KCNC2: variants seen among roughly 807,000 people sequenced by gnomAD.
The protein encoded by KCNC2 is voltage-gated potassium channel KCNC2.
Under a neutral mutation model 44.5 loss-of-function variants are expected in KCNC2, and 21 were observed. That is an observed-to-expected ratio of 0.47 (90% CI 0.33 to 0.68). KCNC2 has a LOEUF of 0.68. KCNC2 is among the 30% of genes least tolerant of loss of function. The pLI is 0.01. For synonymous variants in KCNC2, 391 were observed against 339.1 expected (o/e 1.15, Z -1.68); for missense variants, 589 against 826.2 (o/e 0.71, Z 3.52).
rs1881080200 is a variant in KCNC2, at chr12:75,050,736, G to A, written c.1269C>T (p.Asn423=). Residue 423 remains asparagine, a synonymous_variant, in exon 3 of 5, where the codon AAC becomes AAT. Coordinates refer to ENST00000549446, the MANE Select transcript of KCNC2 (RefSeq NM_139137.4). ...CAGCCCACCAGAACCCAATGGGAAT[G>A]TTTTTGAACTGTGTGTGCTCACTAG... The part of the protein sequence containing the change: ...PSASEHTQFK[N]IPIGFWWAVV... 6.2e-7 allele frequency: 1 copy of A among 1,613,438 alleles called. No individual in the cohort carries two copies. The highest frequency in any genetic ancestry group is 1.1e-5 in the South Asian group (1 of 91,076).
Position 75,207,811 on chromosome 12 carries a change from G to T in KCNC2, c.173C>A (p.Pro58Gln), listed in dbSNP as rs1010539482. The T allele has an allele frequency of 6.2e-7, 1 of 1,602,660 alleles. No individual in the cohort carries two copies. The highest frequency in any genetic ancestry group is 1.3e-5 in the African/African-American group (1 of 74,076). ...TTAGDKLQPS[P>Q]PPLSPPPRAP... ...TCTCGGCGGCGGCGACAGTGGAGGC[G>T]GCGACGGCTGCAGCTTGTCGCCCGC... The change falls in exon 2 of 5, where the codon CCG (proline) becomes CAG (glutamine). Residue 58 changes from proline (P) to glutamine (Q), a missense_variant. Coordinates refer to ENST00000549446, the MANE Select transcript of KCNC2 (RefSeq NM_139137.4). This position sits in a 1 kb window ranked among gnomAD's most constrained non-coding sequence, Gnocchi z 4.1.
At chr12:75,152,197 CT>C (rs1349923751) in intron 2 of KCNC2, among the ~76,000 whole-genome samples, 1 of 149,682 alleles carries the variant, frequency 6.7e-6, no homozygotes, top group Non-Finnish European at 1.5e-5. Context: ...TGACTCAATC[CT>C]CAGATTGAGG....
intron 2 of KCNC2, among the ~76,000 whole-genome samples, chr12:75,185,247 G>A (rs1010061375): frequency 2.6e-5 from 4 of 152,090 alleles, no homozygotes; most frequent in Non-Finnish European, 5.9e-5. Context: ...AGGCTACTAA[G>A]GTTATGTGAT....
In KCNC2 at chr12:75,050,673, G is replaced by A. The variant is rs1881075031; in HGVS notation, c.1332C>T (p.Tyr444=). 1.2e-6 allele frequency: 2 copies of A among 1,613,450 alleles called. No homozygotes were observed. The highest frequency in any genetic ancestry group is 1.1e-5 in the South Asian group (1 of 91,062). Reference sequence around the variant, plus strand: ...CCAGCATGCCTGACCATGTTTGGGGGTACATATCCCCATAACCCAGGGTAG... The same window carrying A: ...CCAGCATGCCTGACCATGTTTGGGGATACATATCCCCATAACCCAGGGTAG... ...TMTTLGYGDM[Y]PQTWSGMLVG... Residue 444 remains tyrosine (Y), a synonymous_variant, in exon 3 of 5, where the codon TAC becomes TAT. Coordinates refer to ENST00000549446, the MANE Select transcript of KCNC2 (RefSeq NM_139137.4).
At chr12:75,151,192 A>G (rs140869848) in intron 2 of KCNC2, among the ~76,000 whole-genome samples, 186 of 152,078 alleles carry the variant, frequency 1.2e-3, no homozygotes, top group Middle Eastern at 6.8e-3. Flanking sequence ...TATAGGAGAA[A>G]CAAACCCTTT....
intron 4 of KCNC2, chr12:75,043,458 A>G: frequency 7.5e-7 from 1 of 1,327,888 alleles, no homozygotes; most frequent in Non-Finnish European, 9.7e-7. Flanking sequence ...AATTATTGTT[A>G]CAATACTTCA....
chr12:75,124,481 C>A (rs1888261519), intron 2 of KCNC2, among the ~76,000 whole-genome samples: 4 of 152,128 alleles, frequency 2.6e-5, no homozygotes, highest in South Asian at 4.2e-4. Context: ...TGCAGTCATA[C>A]AGAGAAACAA....
chr12:75,042,780 C>T lies in KCNC2; in HGVS notation c.*325G>A, dbSNP rs1217038992. On this transcript the variant is annotated 3_prime_UTR_variant, in exon 5 of 5. Coordinates refer to ENST00000549446, the MANE Select transcript of KCNC2 (RefSeq NM_139137.4). ...ATGAAGTGGTTGGCATTTGGAAGCA[C>T]ACTGTTTTAAATATATCTCCCTGAA... 6.9e-6 allele frequency: 8 copies of T among 1,159,132 alleles called. No homozygotes were observed. Among genetic ancestry groups the T allele is most frequent in the Non-Finnish European group, 8.5e-6 (8 of 940,362 alleles). 71.8% of individuals were successfully genotyped at this position (1,159,132 alleles called of 1,614,324 possible).
intron 2 of KCNC2, among the ~76,000 whole-genome samples, chr12:75,127,794 T>C (rs1484092555): frequency 3.3e-5 from 5 of 152,162 alleles, no homozygotes; most frequent in Non-Finnish European, 7.3e-5. Flanking sequence ...AAGGTCATAA[T>C]GATGAACATC....
intron 2 of KCNC2, among the ~76,000 whole-genome samples, chr12:75,093,891 A>T (rs1885702500): frequency 6.6e-6 from 1 of 151,764 alleles, no homozygotes; most frequent in African/African-American, 2.4e-5. Context: ...TACAGAGCTG[A>T]ATTTAATACA....
At position 75,207,427 on chromosome 12, in the gene KCNC2, G is replaced by A. The variant is rs755326940; in HGVS notation, c.557C>T (p.Ala186Val). The change falls in exon 2 of 5, where the codon GCG becomes GTG. Residue 186 changes from alanine to valine, a missense_variant. Physicochemically the swap from Ala to Val is moderately conservative, Grantham distance 64. Coordinates refer to ENST00000549446, the MANE Select transcript of KCNC2 (RefSeq NM_139137.4). The surrounding 1 kb of genome is among the most constrained non-coding windows in gnomAD (Gnocchi z 4.1). The stretch of plus-strand genomic sequence containing the variant: ...GTCCTCGATGCCCAGCCTCTTGGCC[G>A]CCAGGTCCTCGTCGTCGCCGGGGTC... ...GGDPGDDEDL[A>V]AKRLGIEDAA... The A allele has an allele frequency of 1.9e-6, 3 of 1,605,670 alleles. No individual in the cohort carries two copies. The South Asian group carries it at 3.3e-5, about 18-fold the overall frequency.
intron 2 of KCNC2, among the ~76,000 whole-genome samples, chr12:75,094,353 G>T (rs1306944624): frequency 6.6e-6 from 1 of 151,642 alleles, no homozygotes; most frequent in African/African-American, 2.4e-5. Context: ...AGTGGAATGA[G>T]TTATTATTCT....
At position 75,041,098 on chromosome 12, in the gene KCNC2, C is replaced by G. The variant is rs1879848575; in HGVS notation, c.*2007G>C. On this transcript the variant is annotated 3_prime_UTR_variant, in exon 5 of 5. Transcript: ENST00000549446. ...TCTTCCAAGTGCAACCTGGTCACAT[C>G]AGGGCACATTCAGCAGCAGAAGTCT... is the stretch of plus-strand genomic sequence containing the variant. 3.1e-6 allele frequency: 5 copies of G among 1,595,900 alleles called. No individual in the cohort carries two copies. In the African/African-American group the frequency reaches 4.0e-5, roughly 13 times the overall value.
chr12:75,120,316 A>C (rs1027492768), intron 2 of KCNC2, among the ~76,000 whole-genome samples: 6 of 152,194 alleles, frequency 3.9e-5, no homozygotes, highest in Admixed American at 1.3e-4. Flanking sequence ...GCATCTTGGC[A>C]TTGAGGCTTG....
At chr12:75,187,011 T>A (rs147657323) in intron 2 of KCNC2, among the ~76,000 whole-genome samples, 5 of 152,314 alleles carry the variant, frequency 3.3e-5, no homozygotes, top group African/African-American at 1.2e-4. Context: ...AAAATACACA[T>A]ACCAAATTCA....
At chr12:75,063,260 T>C (rs537597843) in intron 2 of KCNC2, among the ~76,000 whole-genome samples, 34 of 152,120 alleles carry the variant, frequency 2.2e-4, no homozygotes, top group Admixed American at 6.6e-4. Context: ...ATTTTACATA[T>C]GTAAAAATTT....
intron 2 of KCNC2, among the ~76,000 whole-genome samples, chr12:75,109,209 C>T (rs1294669241): frequency 4.6e-5 from 7 of 152,128 alleles, no homozygotes; most frequent in African/African-American, 1.4e-4. Context: ...TTATGAATAC[C>T]CGATTATAAT....
intron 2 of KCNC2, among the ~76,000 whole-genome samples, chr12:75,195,868 T>C (rs777480056): frequency 6.6e-6 from 1 of 152,140 alleles, no homozygotes; most frequent in Non-Finnish European, 1.5e-5. Context: ...TTGTCAAGCA[T>C]TCCCAGCCAA....
At chr12:75,067,549 A>G (rs1306342284) in intron 2 of KCNC2, among the ~76,000 whole-genome samples, 1 of 152,142 alleles carries the variant, frequency 6.6e-6, no homozygotes, top group Non-Finnish European at 1.5e-5. Flanking sequence ...TCTGTGGAGG[A>G]GATATTGAAC....
Sources: allele counts gnomAD v4.1 joint callset (sites outside exome capture counted in the v4.1 genomes callset), GRCh38; gene constraint gnomAD v4.1.1; non-coding constraint Gnocchi (gnomAD v3.1); transcripts MANE v1.5; gene names NCBI Gene and HGNC (gene_info 2026-07-23, HGNC 2026-07-21).